The following EPB41 variants were observed in gnomAD, a reference collection of about 807,000 sequenced individuals.
The protein encoded by EPB41 is protein 4.1.
A neutral mutation model predicts 108.0 loss-of-function variants in EPB41; 65 were observed. That is an observed-to-expected ratio of 0.60 (90% CI 0.49 to 0.74). The LOEUF (loss-of-function observed/expected upper bound fraction) is 0.74. Ranked by LOEUF, EPB41 falls within the 30% of genes least tolerant of loss-of-function variation. The probability of loss-of-function intolerance (pLI) is 0.00; values close to 1 mark genes in which losing one functional copy is unlikely to be tolerated. For missense variants in EPB41, 875 were observed against 1,037.0 expected, an observed-to-expected ratio of 0.84 and a Z score of 2.15; for synonymous variants, 336 against 358.9, an observed-to-expected ratio of 0.94 and a Z score of 0.72.
chr1:28,891,501 A>T (rs1377437654), intron 1 of EPB41, among the ~76,000 whole-genome samples: 1 of 152,210 alleles, frequency 6.6e-6, no homozygotes, highest in Non-Finnish European at 1.5e-5. Context: ...TGGCCACTTA[A>T]CTAGGCTTGG....
At chr1:28,922,063 A>G (rs889744308) in intron 1 of EPB41, among the ~76,000 whole-genome samples, 10 of 143,876 alleles carry the variant, frequency 7.0e-5, no homozygotes, top group Non-Finnish European at 1.4e-4. Flanking sequence ...TCTGCCTCCC[A>G]GGTTGAAGCG....
chr1:29,097,550 T>C (rs562373538), intron 16 of EPB41: 61 of 511,502 alleles, frequency 1.2e-4, no homozygotes, highest in Admixed American at 6.4e-4. Flanking sequence ...CAATCATAAC[T>C]GTCTGCTCTT....
chr1:29,061,589 T>G (rs1361826899), intron 15 of EPB41, among the ~76,000 whole-genome samples: 1 of 140,736 alleles, frequency 7.1e-6, no homozygotes, highest in Non-Finnish European at 1.5e-5. Flanking sequence ...TTTTTTTTTT[T>G]TTTTTTTTTG....
In EPB41 at chr1:28,950,614, C is replaced by T. The variant is rs142937955; in HGVS notation, c.-8+35846C>T. On this transcript the variant is annotated intron_variant, in intron 1 of 20. Transcript: ENST00000343067. ...AGAAAGGCAGAAGGCCAAAGGGCCTCCCCTCTCCCTTCTTGCTTAGAACAC... is the reference window on the plus strand; with the variant it reads ...AGAAAGGCAGAAGGCCAAAGGGCCTTCCCTCTCCCTTCTTGCTTAGAACAC... Among the ~76,000 whole-genome samples the T allele has an allele frequency of 6.0e-4, 92 of 152,366 alleles. No individual in the cohort carries two copies. The East Asian group carries it at 0.015, about 25-fold the overall frequency.
intron 11 of EPB41, among the ~76,000 whole-genome samples, chr1:29,051,116 T>C (rs1218571081): frequency 1.7e-5 from 1 of 58,900 alleles, no homozygotes; most frequent in East Asian, 7.2e-4. Flanking sequence ...TTTTTTTTTT[T>C]TGGAGACAGT....
intron 6 of EPB41, 101 bp downstream of exon 6, chr1:29,015,868 A>T: frequency 2.5e-6 from 2 of 805,634 alleles, no homozygotes; most frequent in South Asian, 3.2e-5. Flanking sequence ...CGTATTCAGA[A>T]CTGAAGAAAA....
chr1:29,004,623 A>G (rs1278886362), intron 4 of EPB41, among the ~76,000 whole-genome samples: 1 of 152,230 alleles, frequency 6.6e-6, no homozygotes. Context: ...CTTGCAGAGT[A>G]GGGAGGCTGC....
chr1:29,066,672 T>A (rs1279980919), intron 16 of EPB41, among the ~76,000 whole-genome samples: 2 of 151,510 alleles, frequency 1.3e-5, no homozygotes, highest in South Asian at 4.2e-4. Flanking sequence ...ATTTTAAAAC[T>A]TTTTTTTTCC....
At chr1:28,933,585 A>G (rs915677070) in intron 1 of EPB41, among the ~76,000 whole-genome samples, 1 of 152,178 alleles carries the variant, frequency 6.6e-6, no homozygotes, top group Non-Finnish European at 1.5e-5. Context: ...ATCACATTGC[A>G]TTTAGTGGTT....
Position 29,039,333 on chromosome 1 carries a change from G to T in EPB41, c.1543G>T (p.Ala515Ser). 6.2e-7 allele frequency: 1 copy of T among 1,614,140 alleles called. No individual in the cohort carries two copies. Among genetic ancestry groups the T allele is most frequent in the Non-Finnish European group, 8.5e-7 (1 of 1,180,036 alleles). ...ATTTCGATACAGTGGCCGGACTCAA[G>T]CTCAGACCAGGCAAGCTAGTGCTCT... ...SKFRYSGRTQ[A>S]QTRQASALID... Residue 515 changes from alanine (A) to serine (S), a missense_variant, in exon 11 of 21, where the codon GCT becomes TCT. This residue lies in a region of EPB41 where 519 missense variants were observed against 627.3 expected (regional missense o/e 0.83). Coordinates refer to ENST00000343067, the MANE Select transcript of EPB41 (RefSeq NM_001376013.1).
chr1:28,980,905 G>A (rs947186406), intron 1 of EPB41, among the ~76,000 whole-genome samples: 1 of 150,948 alleles, frequency 6.6e-6, no homozygotes. Context: ...CCCGAGTAGC[G>A]GGGATTACAG....
intron 12 of EPB41, among the ~76,000 whole-genome samples, chr1:29,055,715 C>T (rs992577571): frequency 1.3e-5 from 2 of 149,088 alleles, no homozygotes; most frequent in Non-Finnish European, 3.0e-5. Context: ...TTTGGGAGGC[C>T]AGGACGGGTG....
intron 8 of EPB41, 146 bp downstream of exon 8, chr1:29,030,633 G>T: frequency 1.4e-6 from 1 of 699,190 alleles, no homozygotes; most frequent in East Asian, 2.7e-5. Flanking sequence ...ATAGTAGACT[G>T]GGCACAGCAG....
chr1:29,036,254 ATTTTTT>A (rs71022387), intron 10 of EPB41, among the ~76,000 whole-genome samples: 3 of 106,342 alleles, frequency 2.8e-5, no homozygotes, highest in East Asian at 2.7e-4. Context: ...TCCACGTGTG[ATTTTTT>A]TTTTTTTTTT....
In EPB41 at chr1:29,117,057, C is replaced by T. The variant is rs1318062544; in HGVS notation, c.*245C>T. The T allele has an allele frequency of 2.0e-5, 3 of 152,140 alleles. No individual in the cohort carries two copies. Among genetic ancestry groups the T allele is most frequent in the Admixed American group, 6.5e-5 (1 of 15,280 alleles). 9.4% of individuals were successfully genotyped at this position (152,140 alleles called of 1,614,324 possible). A position where few individuals can be genotyped will look rare whatever the true frequency, so the allele number is the denominator to read the frequency against. ...ATTGTTCAACTTTTCACTCTATAGA[C>T]TGTTTTAAGAGTTTTGGGGTTTTTT... is the stretch of plus-strand genomic sequence containing the variant. On this transcript the variant is annotated 3_prime_UTR_variant, in exon 21 of 21. Coordinates refer to ENST00000343067, the MANE Select transcript of EPB41 (RefSeq NM_001376013.1).
At chr1:29,053,333 C>G (rs1558164440) in intron 12 of EPB41, 21 bp downstream of exon 12, 1 of 1,613,802 alleles carries the variant, frequency 6.2e-7, no homozygotes, top group Admixed American at 1.7e-5. Flanking sequence ...AGTCCAAATA[C>G]CTAGCTAACT....
chr1:29,036,062 A>G (rs908598346), intron 10 of EPB41, 139 bp downstream of exon 10: 31 of 670,068 alleles, frequency 4.6e-5, no homozygotes, highest in Non-Finnish European at 7.5e-5. Flanking sequence ...AGCAAGACAA[A>G]ATGAATCCAT....
At chr1:28,980,794 GTTT>G (rs1227983608) in intron 1 of EPB41, among the ~76,000 whole-genome samples, 3 of 118,182 alleles carry the variant, frequency 2.5e-5, no homozygotes, top group African/African-American at 3.2e-5. Context: ...TATTCCAGGA[GTTT>G]TTTTTTTTTT....
intron 1 of EPB41, among the ~76,000 whole-genome samples, chr1:28,904,969 T>G (rs2091656969): frequency 1.3e-5 from 2 of 148,878 alleles, no homozygotes; most frequent in South Asian, 4.2e-4. Flanking sequence ...AGGCGGAGCT[T>G]GTAGTGAGCC....
Sources: allele counts gnomAD v4.1 joint callset (sites outside exome capture counted in the v4.1 genomes callset), GRCh38; gene constraint gnomAD v4.1.1; regional missense constraint gnomAD v4.1.1; transcripts MANE v1.5; gene names NCBI Gene and HGNC (gene_info 2026-07-23, HGNC 2026-07-21).